Variants in GALNTL6 observed in about 807,000 individuals in gnomAD.
The protein encoded by GALNTL6 is polypeptide N-acetylgalactosaminyltransferase-like 6.
A neutral mutation model predicts 73.7 loss-of-function variants in GALNTL6; 46 were observed. That is an observed-to-expected ratio of 0.62 (90% CI 0.49 to 0.80). The LOEUF (loss-of-function observed/expected upper bound fraction) is 0.80, where lower values mean the gene tolerates loss of function less well. Ranked by LOEUF, GALNTL6 falls within the 30% of genes least tolerant of loss-of-function variation. GALNTL6 has a pLI of 0.00. For missense variants in GALNTL6, 604 were observed against 755.0 expected (o/e 0.80, Z 2.34); for synonymous variants, 259 against 263.7 (o/e 0.98, Z 0.17).
Position 172,973,112 on chromosome 4 carries a change from G to A in GALNTL6, c.1371+20854G>A, listed in dbSNP as rs750329596. ...AAAGAATTTTCTAAATCAACATTTT[G>A]CAATTCCTGATGCAATAACTGATTA... On this transcript the variant is annotated intron_variant, in intron 10 of 12. Transcript: ENST00000506823. Among the ~76,000 whole-genome samples the A allele has an allele frequency of 8.5e-5, 13 of 152,264 alleles. 1 individual carries two copies. The highest frequency in any genetic ancestry group is 3.1e-4 in the African/African-American group (13 of 41,556).
At chr4:171,841,109 A>G (rs1735228896) in intron 2 of GALNTL6, among the ~76,000 whole-genome samples, 1 of 152,150 alleles carries the variant, frequency 6.6e-6, no homozygotes. Flanking sequence ...CTGGATCTGG[A>G]TCTTTGAAAG....
At chr4:172,487,818 A>G (rs915044162) in intron 5 of GALNTL6, among the ~76,000 whole-genome samples, 1 of 152,160 alleles carries the variant, frequency 6.6e-6, no homozygotes, top group Non-Finnish European at 1.5e-5. Context: ...AAATACCTCT[A>G]AGGTCACTGT....
At chr4:171,881,405 A>C (rs1456580001) in intron 2 of GALNTL6, among the ~76,000 whole-genome samples, 1 of 152,092 alleles carries the variant, frequency 6.6e-6, no homozygotes, top group African/African-American at 2.4e-5. Context: ...GCCCAGTGGG[A>C]GGTGATTGGA....
rs141842261 is a variant in GALNTL6 at position 172,481,061 on chromosome 4, G to C, written c.553+132372G>C. On this transcript the variant is annotated intron_variant, in intron 5 of 12. Coordinates refer to ENST00000506823, the MANE Select transcript of GALNTL6 (RefSeq NM_001034845.3). ...ATGAAGCCGTGGACTATCGCGGTGA[G>C]TGTTACAGTTCTTAAAGGTGGTGTG... Among the ~76,000 whole-genome samples, 9 of 152,284 alleles carry C rather than the reference G, an allele frequency of 5.9e-5. No homozygotes were observed. In the East Asian group the frequency reaches 1.7e-3, roughly 29 times the overall value.
intron 2 of GALNTL6, among the ~76,000 whole-genome samples, chr4:171,911,631 A>G (rs1737480049): frequency 1.3e-5 from 2 of 152,216 alleles, no homozygotes; most frequent in Admixed American, 6.5e-5. Flanking sequence ...ACATCCAGGG[A>G]TATCAGTCAG....
chr4:172,255,438 A>T (rs548466490), intron 3 of GALNTL6, among the ~76,000 whole-genome samples: 1 of 151,676 alleles, frequency 6.6e-6, no homozygotes, highest in South Asian at 2.1e-4. Flanking sequence ...GCTGTTTTTG[A>T]CTATGGGAAA....
intron 5 of GALNTL6, among the ~76,000 whole-genome samples, chr4:172,645,800 G>A (rs986982306): frequency 6.6e-6 from 1 of 151,972 alleles, no homozygotes; most frequent in Non-Finnish European, 1.5e-5. Flanking sequence ...ATTAAACTAA[G>A]GGTATGATCT....
intron 5 of GALNTL6, among the ~76,000 whole-genome samples, chr4:172,536,868 A>G (rs945778153): frequency 2.0e-5 from 3 of 152,142 alleles, no homozygotes; most frequent in African/African-American, 7.2e-5. Context: ...CACCAAGACA[A>G]TGGGGAAAAT....
intron 5 of GALNTL6, among the ~76,000 whole-genome samples, chr4:172,559,058 ATTTTTTT>A (rs71592081): frequency 3.9e-5 from 3 of 77,378 alleles, no homozygotes; most frequent in African/African-American, 5.4e-5. Context: ...ATGATAATGG[ATTTTTTT>A]TTTTTTTTTT....
chr4:172,245,468 T>A (rs1364341746), intron 3 of GALNTL6, among the ~76,000 whole-genome samples: 2 of 151,934 alleles, frequency 1.3e-5, no homozygotes, highest in Non-Finnish European at 2.9e-5. Context: ...AGAAGAAGAG[T>A]AAGAACTAAA....
intron 2 of GALNTL6, among the ~76,000 whole-genome samples, chr4:171,979,496 T>C (rs1176923151): frequency 6.6e-6 from 1 of 152,056 alleles, no homozygotes; most frequent in African/African-American, 2.4e-5. Flanking sequence ...CCTACTTGGG[T>C]CAGGGAAAAG....
chr4:172,521,589 G>A (rs1734775581), intron 5 of GALNTL6, among the ~76,000 whole-genome samples: 1 of 152,122 alleles, frequency 6.6e-6, no homozygotes, highest in Non-Finnish European at 1.5e-5. Context: ...TTCCAGGAAT[G>A]GGCAAGACAA....
chr4:171,855,928 A>G (rs1209508430), intron 2 of GALNTL6, among the ~76,000 whole-genome samples: 2 of 152,172 alleles, frequency 1.3e-5, no homozygotes, highest in African/African-American at 4.8e-5. Flanking sequence ...ATCTGTTCAG[A>G]TATTTTGCTC....
intron 2 of GALNTL6, among the ~76,000 whole-genome samples, chr4:172,111,127 C>A (rs1732840211): frequency 6.6e-6 from 1 of 151,396 alleles, no homozygotes; most frequent in South Asian, 2.1e-4. Flanking sequence ...GTTTCAGCAG[C>A]AAAAGAAAAT....
Position 172,069,703 on chromosome 4 carries a change from G to A in GALNTL6, c.139-159953G>A, listed in dbSNP as rs1560909860. Among the ~76,000 whole-genome samples, 2 of 98,146 alleles carry A rather than the reference G, an allele frequency of 2.0e-5. 1 individual carries two copies. Among genetic ancestry groups the A allele is most frequent in the Non-Finnish European group, 4.3e-5 (2 of 46,050 alleles). The allele number at this position is 98,146 out of a possible 152,430, so 64.4% of individuals were successfully genotyped here. A position where few individuals can be genotyped will look rare whatever the true frequency, so the allele number is the denominator to read the frequency against. On this transcript the variant is annotated intron_variant, in intron 2 of 12. Transcript: ENST00000506823. ...TGCAGGAACAAGTAAGCCATAAATG[G>A]TGCTAGACACCTCATCCACAAAATT... is the stretch of plus-strand genomic sequence containing the variant.
intron 2 of GALNTL6, among the ~76,000 whole-genome samples, chr4:171,846,356 T>TC (rs1735367211): frequency 6.6e-6 from 1 of 152,180 alleles, no homozygotes; most frequent in Non-Finnish European, 1.5e-5. Flanking sequence ...ACAAGGGAAC[T>TC]ATTTCTTATC....
chr4:172,850,058 G>T (rs1018133938), intron 7 of GALNTL6, among the ~76,000 whole-genome samples: 3 of 152,116 alleles, frequency 2.0e-5, no homozygotes, highest in Non-Finnish European at 4.4e-5. Flanking sequence ...GGCATATTTG[G>T]GTTTGGGAGT....
At chr4:172,250,837 AC>A (rs1249129470) in intron 3 of GALNTL6, among the ~76,000 whole-genome samples, 1 of 152,210 alleles carries the variant, frequency 6.6e-6, no homozygotes, top group African/African-American at 2.4e-5. Context: ...TTGATAAAAA[AC>A]AGAGCAAGTT....
In GALNTL6 at chr4:172,353,667, T is replaced by C. The variant is rs963939724; in HGVS notation, c.553+4978T>C. Among the ~76,000 whole-genome samples the C allele has an allele frequency of 1.9e-4, 29 of 152,096 alleles. 1 individual carries two copies. The highest frequency in any genetic ancestry group is 7.0e-4 in the African/African-American group (29 of 41,536). ...TCAAAACTTTATAAATCTATTTTGC[T>C]TTGGAATCAGCCAATAGATTTTATG... On this transcript the variant is annotated intron_variant, in intron 5 of 12. Transcript: ENST00000506823.
Sources: gnomAD v4.1 joint callset for allele counts (sites outside exome capture counted in the v4.1 genomes callset) on GRCh38, gnomAD v4.1.1 for gene constraint, MANE v1.5 for transcripts, NCBI Gene and HGNC (gene_info 2026-07-23, HGNC 2026-07-21) for gene names.